The following KMT2D variants were observed in gnomAD, a reference collection of about 807,000 sequenced individuals.
The protein encoded by KMT2D is histone-lysine N-methyltransferase 2D.
A neutral mutation model predicts 512.7 loss-of-function variants in KMT2D; 55 were observed. That is an observed-to-expected ratio of 0.11 (90% CI 0.09 to 0.13). The LOEUF is 0.13. KMT2D is among the 10% of genes least tolerant of loss of function. KMT2D has a pLI of 1.00. For missense variants in KMT2D, 6,061 were observed against 7,127.9 expected (o/e 0.85, Z 5.39); for synonymous variants, 2,995 against 2,904.0 (o/e 1.03, Z -1.01).
rs2120488595 is a variant in KMT2D at position 49,037,974 on chromosome 12, G to A, written c.9382C>T (p.His3128Tyr). The A allele has an allele frequency of 6.2e-7, 1 of 1,601,804 alleles. No individual in the cohort carries two copies. The highest frequency in any genetic ancestry group is 8.5e-7 in the Non-Finnish European group (1 of 1,174,488). The part of the protein sequence containing the change: ...VKPKVEEGGR[H>Y]PSPCQFTIAT... ...ATGGTGAATTGGCAAGGAGAAGGGT[G>A]GCGTCCACCCTCCTCCACCTTGGGC... Residue 3128 changes from histidine to tyrosine, a missense_variant, in exon 35 of 55, where the codon CAC (histidine) becomes TAC (tyrosine). His to Tyr is a moderately conservative substitution (Grantham distance 83). Around this residue, in one of 16 missense-constraint regions of KMT2D, gnomAD observed 533 missense variants for 539.6 expected, o/e 0.99. Coordinates refer to ENST00000301067, the MANE Select transcript of KMT2D (RefSeq NM_003482.4).
rs1189785101 is a variant in KMT2D at position 49,060,561 on chromosome 12, A to G, written c.-986T>C. ...GAACGAGGCAGCCATTTGCAACCGGAGAGGAAAGTAGTGCAGCGCGGCGCC... is the reference window on the plus strand; with the variant it reads ...GAACGAGGCAGCCATTTGCAACCGGGGAGGAAAGTAGTGCAGCGCGGCGCC... On this transcript the variant is annotated 5_prime_UTR_variant, in exon 1 of 55. Coordinates refer to ENST00000301067, the MANE Select transcript of KMT2D (RefSeq NM_003482.4). Among the ~76,000 whole-genome samples, 1 of 152,124 alleles carries G rather than the reference A, an allele frequency of 6.6e-6. No homozygotes were observed. Among genetic ancestry groups the G allele is most frequent in the East Asian group, 1.9e-4 (1 of 5,170 alleles).
At position 49,019,782 on chromosome 12, in the gene KMT2D, T is replaced by C. The variant is rs1280756414; in HGVS notation, c.*1998A>G. ...CTTAAACATTTGCAGCTTGAAACAG[T>C]TGAGGAAGCAGCTTTAAAAAAAAAA... On this transcript the variant is annotated 3_prime_UTR_variant, in exon 55 of 55. Transcript: ENST00000301067. 115 of 232,322 alleles carry C rather than the reference T, an allele frequency of 5.0e-4. No homozygotes were observed. Among genetic ancestry groups the C allele is most frequent in the Admixed American group, 5.6e-5 (1 of 17,724 alleles). 14.4% of individuals were successfully genotyped at this position (232,322 alleles called of 1,614,324 possible).
rs1259277877 is a variant in KMT2D, at chr12:49,024,749, T to G, written c.15922-41A>C. Reference sequence around the variant, plus strand: ...ATACTCACCTTAGCCTGAGTTTTTTTGGGGTTAGGCCAAAGTTCTCAGTGC... The same window carrying G: ...ATACTCACCTTAGCCTGAGTTTTTTGGGGGTTAGGCCAAAGTTCTCAGTGC... On this transcript the variant is annotated intron_variant, in intron 50 of 54. Coordinates refer to ENST00000301067, the MANE Select transcript of KMT2D (RefSeq NM_003482.4). The surrounding 1 kb of genome is among the most constrained non-coding windows in gnomAD (Gnocchi z 4.5). The G allele has an allele frequency of 6.2e-6, 10 of 1,608,974 alleles. No individual in the cohort carries two copies. Among genetic ancestry groups the G allele is most frequent in the South Asian group, 5.5e-5 (5 of 90,810 alleles).
In KMT2D at chr12:49,040,184, C is replaced by A. The variant is rs779334797; in HGVS notation, c.7586G>T (p.Gly2529Val). ...VRSPGTGAFV[G>V]TPSPMRFTFP... The stretch of plus-strand genomic sequence containing the variant: ...AGTGAAACGCATGGGAGAGGGGGTG[C>A]CCACAAATGCACCCGTCCCAGGGGA... Residue 2529 changes from glycine (G) to valine (V), a missense_variant, in exon 32 of 55, where the codon GGC becomes GTC. By Grantham distance (109) the Gly-to-Val change is moderately radical (BLOSUM62 -3). Coordinates refer to ENST00000301067, the MANE Select transcript of KMT2D (RefSeq NM_003482.4). The A allele has an allele frequency of 1.9e-6, 3 of 1,613,560 alleles. No homozygotes were observed. Among genetic ancestry groups the A allele is most frequent in the Non-Finnish European group, 2.5e-6 (3 of 1,179,746 alleles).
rs2120490459 is a variant in KMT2D at position 49,038,100 on chromosome 12, G to A, written c.9256C>T (p.Leu3086=). 3 of 1,613,884 alleles carry A rather than the reference G, an allele frequency of 1.9e-6. No homozygotes were observed. Among genetic ancestry groups the A allele is most frequent in the South Asian group, 1.1e-5 (1 of 91,076 alleles). Reference sequence around the variant, plus strand: ...AAGGGTCCTGGCTCCACCCCCCGCAGCAGGGCCTCCCGTTCAGCCTTCTCA... The same window carrying A: ...AAGGGTCCTGGCTCCACCCCCCGCAACAGGGCCTCCCGTTCAGCCTTCTCA... ...ANEKAEREAL[L]RGVEPGPLGP... is the part of the protein sequence containing the mutation. The change falls in exon 35 of 55, where the codon CTG becomes TTG. Residue 3086 remains leucine (L), a synonymous_variant. Transcript: ENST00000301067. This position sits in a 1 kb window ranked among gnomAD's most constrained non-coding sequence, Gnocchi z 5.7.
In KMT2D at chr12:49,030,380, C is replaced by T. The variant is rs1286725448; in HGVS notation, c.13899G>A (p.Ser4633=). ...PSSLPPTPPP[S]VQQKMVNGVT... Reference sequence around the variant, plus strand: ...CGCCATTCACCATCTTCTGCTGCACCGATGGGGGTGGGGTGGGGGGCAGCG... The same window carrying T: ...CGCCATTCACCATCTTCTGCTGCACTGATGGGGGTGGGGTGGGGGGCAGCG... Residue 4633 remains serine (S), a synonymous_variant, in exon 43 of 55, where the codon TCG becomes TCA. Coordinates refer to ENST00000301067, the MANE Select transcript of KMT2D (RefSeq NM_003482.4). The T allele has an allele frequency of 6.8e-7, 1 of 1,461,096 alleles. No homozygotes were observed. The highest frequency in any genetic ancestry group is 1.2e-5 in the South Asian group (1 of 86,772). The allele number at this position is 1,461,096 out of a possible 1,614,324, so 90.5% of individuals were successfully genotyped here. A position where few individuals can be genotyped will look rare whatever the true frequency, so the allele number is the denominator to read the frequency against.
chr12:49,051,901 C>T lies in KMT2D; in HGVS notation c.1782G>A (p.Pro594=), dbSNP rs1488901592. 1.0e-5 allele frequency: 16 copies of T among 1,605,128 alleles called. No homozygotes were observed. Among genetic ancestry groups the T allele is most frequent in the South Asian group, 2.2e-5 (2 of 90,672 alleles). ...ATGGTGGGAACAGACGAGATGCCTC[C>T]GGTGGTGGAGACATGGGTGACTCTT... is the stretch of plus-strand genomic sequence containing the variant. The part of the protein sequence containing the change: ...PPEESPMSPP[P]EASRLFPPFE... The change falls in exon 11 of 55, where the codon CCG becomes CCA. Residue 594 remains proline, a synonymous_variant. Coordinates refer to ENST00000301067, the MANE Select transcript of KMT2D (RefSeq NM_003482.4).
chr12:49,059,541 G>C (rs1345773349), intron 1 of KMT2D, 72 bp downstream of exon 1: 1 of 152,498 alleles, frequency 6.6e-6, no homozygotes, highest in East Asian at 1.9e-4. Context: ...GCCAGCTCCG[G>C]CTAAGATAGT....
chr12:49,049,276 A>G, intron 12 of KMT2D, 58 bp from the exon 13 acceptor site: 1 of 1,037,734 alleles, frequency 9.6e-7, no homozygotes, highest in Non-Finnish European at 1.4e-6. Flanking sequence ...TGTTGGGTTT[A>G]CACACTTGAA....
intron 7 of KMT2D, 58 bp downstream of exon 7, chr12:49,053,418 A>AT (rs1253762327): frequency 2.5e-6 from 4 of 1,609,934 alleles, no homozygotes; most frequent in Non-Finnish European, 3.4e-6. Context: ...GACTGCCCTC[A>AT]TTTTCAACCC....
At position 49,029,386 on chromosome 12, in the gene KMT2D, T is replaced by C. The variant is rs376875006; in HGVS notation, c.14075+15A>G. 9.6e-6 allele frequency: 15 copies of C among 1,556,434 alleles called. No homozygotes were observed. Among genetic ancestry groups the C allele is most frequent in the African/African-American group, 4.1e-5 (3 of 73,434 alleles). On this transcript the variant is annotated intron_variant, in intron 44 of 54. Coordinates refer to ENST00000301067, the MANE Select transcript of KMT2D (RefSeq NM_003482.4). ...CACCCTTGTTCCTCATCCCCATTTC[T>C]GGCCCCGCCCCTACCTGACATCCTC...
At chr12:49,028,638 C>G (rs1162332423) in intron 46 of KMT2D, among the ~76,000 whole-genome samples, 190 bp downstream of exon 46, 1 of 152,186 alleles carries the variant, frequency 6.6e-6, no homozygotes. Flanking sequence ...TACCATGGGA[C>G]TACGAGCCCC....
rs199896881 is a variant in KMT2D at position 49,041,149 on chromosome 12, C to T, written c.6621G>A (p.Ala2207=). The change falls in exon 32 of 55, where the codon GCG becomes GCA. Residue 2207 remains alanine, a synonymous_variant. Coordinates refer to ENST00000301067, the MANE Select transcript of KMT2D (RefSeq NM_003482.4). The surrounding 1 kb of genome is among the most constrained non-coding windows in gnomAD (Gnocchi z 5.4). ...ATGAGGCGCCCAGCATCGGGGGCTGCGCAGGGGCCCCCGTAGGACTAGGAT... is the reference window on the plus strand; with the variant it reads ...ATGAGGCGCCCAGCATCGGGGGCTGTGCAGGGGCCCCCGTAGGACTAGGAT... ...PPYPSPTGAP[A]QPPMLGASSR... is the part of the protein sequence containing the mutation. 355 of 1,522,716 alleles carry T rather than the reference C, an allele frequency of 2.3e-4. 1 individual carries two copies. The highest frequency in any genetic ancestry group is 1.9e-3 in the African/African-American group (133 of 71,698). The allele number at this position is 1,522,716 out of a possible 1,614,324, so 94.3% of individuals were successfully genotyped here. A position where few individuals can be genotyped will look rare whatever the true frequency, so the allele number is the denominator to read the frequency against.
At chr12:49,045,682 T>C (rs1436629173) in intron 19 of KMT2D, among the ~76,000 whole-genome samples, 21 of 150,680 alleles carry the variant, frequency 1.4e-4, no homozygotes, top group Non-Finnish European at 3.1e-4. Flanking sequence ...GACGAAATCC[T>C]AGCAGTGAAG....
Position 49,040,984 on chromosome 12 carries a change from C to A in KMT2D, c.6786G>T (p.Gly2262=), listed in dbSNP as rs1943491094. ...LDNLAVPESP[G]VGGGKASEPL... is the part of the protein sequence containing the mutation. ...GCTCGGAAGCTTTGCCTCCCCCTAC[C>A]CCAGGGCTCTCAGGCACAGCCAAGT... Residue 2262 remains glycine, a synonymous_variant, in exon 32 of 55, where the codon GGG becomes GGT. Transcript: ENST00000301067. 6.2e-7 allele frequency: 1 copy of A among 1,605,024 alleles called. No homozygotes were observed. The highest frequency in any genetic ancestry group is 1.7e-5 in the Admixed American group (1 of 58,844).
In KMT2D at chr12:49,060,266, C is replaced by T. The variant is rs569377239; in HGVS notation, c.-691G>A. Among the ~76,000 whole-genome samples the T allele has an allele frequency of 1.3e-5, 2 of 152,080 alleles. No homozygotes were observed. The highest frequency in any genetic ancestry group is 4.8e-5 in the African/African-American group (2 of 41,434). On this transcript the variant is annotated 5_prime_UTR_variant, in exon 1 of 55. Transcript: ENST00000301067. Reference sequence around the variant, plus strand: ...GCTTCGAGCCCCCCACCTTCTGCTCCCCCCGGGGAAGGGAGGAGGCTAGGT... The same window carrying T: ...GCTTCGAGCCCCCCACCTTCTGCTCTCCCCGGGGAAGGGAGGAGGCTAGGT...
Position 49,039,341 on chromosome 12 carries a change from C to T in KMT2D, c.8247G>A (p.Val2749=). 1.2e-5 allele frequency: 20 copies of T among 1,613,216 alleles called. No homozygotes were observed. Among genetic ancestry groups the T allele is most frequent in the Non-Finnish European group, 1.6e-5 (19 of 1,179,570 alleles). Residue 2749 remains valine, a synonymous_variant, in exon 34 of 55, where the codon GTG becomes GTA. Transcript: ENST00000301067. This position sits in a 1 kb window ranked among gnomAD's most constrained non-coding sequence, Gnocchi z 5.0. ...CACTCAGCTTGCTTGGGGGCAACCCCACAAGGCTGCTCTTGTCCTAGAAGA... is the reference window on the plus strand; with the variant it reads ...CACTCAGCTTGCTTGGGGGCAACCCTACAAGGCTGCTCTTGTCCTAGAAGA... ...FAGTQDKSSL[V]GLPPSKLSGP...
rs1938313794 is a variant in KMT2D, at chr12:49,054,880, T to G, written c.176+20A>C. On this transcript the variant is annotated intron_variant, in intron 3 of 54. Transcript: ENST00000301067. This position sits in a 1 kb window ranked among gnomAD's most constrained non-coding sequence, Gnocchi z 6.4. The stretch of plus-strand genomic sequence containing the variant: ...AAAGCCCTAGACTCTCAAATCCTCA[T>G]GTGCCCTCAAACAAGCTACCTGCAG... The G allele has an allele frequency of 6.2e-7, 1 of 1,610,380 alleles. No homozygotes were observed. Among genetic ancestry groups the G allele is most frequent in the Admixed American group, 1.7e-5 (1 of 59,812 alleles).
At position 49,026,369 on chromosome 12, in the gene KMT2D, A is replaced by C. The variant is rs1315821730; in HGVS notation, c.15597T>G (p.Phe5199Leu). ...GQLLPHQMAD[F>L]HSATALYPVG... ...CGGGATAGAGGGCAGTGGCACTATG[A>C]AAGTCAGCCATCTGGTGAGGCAGCA... The change falls in exon 49 of 55, where the codon TTT becomes TTG. Residue 5199 changes from phenylalanine (F) to leucine (L), a missense_variant. Transcript: ENST00000301067. The surrounding 1 kb of genome is among the most constrained non-coding windows in gnomAD (Gnocchi z 9.6). The C allele has an allele frequency of 6.2e-7, 1 of 1,612,330 alleles. No individual in the cohort carries two copies. Among genetic ancestry groups the C allele is most frequent in the African/African-American group, 1.3e-5 (1 of 74,910 alleles).
Sources: allele counts gnomAD v4.1 joint callset (sites outside exome capture counted in the v4.1 genomes callset), GRCh38; gene constraint gnomAD v4.1.1; regional missense constraint gnomAD v4.1.1; non-coding constraint Gnocchi (gnomAD v3.1); transcripts MANE v1.5; gene names NCBI Gene and HGNC (gene_info 2026-07-23, HGNC 2026-07-21).